The following VEZT variants were observed in gnomAD, a reference collection of about 807,000 sequenced individuals.
VEZT encodes the protein vezatin, adherens junctions transmembrane protein.
VEZT carries 39 observed loss-of-function variants against 79.9 expected under a neutral mutation model. The ratio of observed to expected loss-of-function variants is 0.49; its 90% CI spans 0.38 to 0.64. The LOEUF (loss-of-function observed/expected upper bound fraction) is 0.64, where lower values mean the gene tolerates loss of function less well. Among genes scored for constraint, VEZT ranks in the 30% least tolerant of loss-of-function variants. The pLI is 0.00. For missense variants in VEZT, 837 were observed against 893.1 expected (o/e 0.94, Z 0.80); for synonymous variants, 325 against 327.6 (o/e 0.99, Z 0.09).
chr12:95,266,201 T>A (rs2065500757), intron 4 of VEZT, among the ~76,000 whole-genome samples, 156 bp from the exon 5 acceptor site: 1 of 152,244 alleles, frequency 6.6e-6, no homozygotes, highest in African/African-American at 2.4e-5. Flanking sequence ...CATCACCTTC[T>A]TAAATGTCAT....
intron 4 of VEZT, 67 bp from the exon 5 acceptor site, chr12:95,266,290 G>A: frequency 6.7e-7 from 1 of 1,498,678 alleles, no homozygotes. Flanking sequence ...TGTTTTTACT[G>A]ATTAAAGTAA....
intron 1 of VEZT, among the ~76,000 whole-genome samples, chr12:95,236,360 C>G (rs1031853509): frequency 6.6e-6 from 1 of 152,028 alleles, no homozygotes; most frequent in Non-Finnish European, 1.5e-5. Context: ...TGCAGTGAGC[C>G]GAGATGGCAG....
chr12:95,296,289 T>C lies in VEZT; in HGVS notation c.1831+31T>C, dbSNP rs974385356. On this transcript the variant is annotated intron_variant, in intron 11 of 11. Transcript: ENST00000436874. The stretch of plus-strand genomic sequence containing the variant: ...CACTGACTTTAAAGTAACAGGTTAT[T>C]TCAATGTAGGGGATTCTTTCTTTCT... 1.3e-5 allele frequency: 20 copies of C among 1,533,040 alleles called. No homozygotes were observed. In the African/African-American group the frequency reaches 2.8e-4, roughly 21 times the overall value. The allele number at this position is 1,533,040 out of a possible 1,614,324, so 95.0% of individuals were successfully genotyped here.
intron 3 of VEZT, among the ~76,000 whole-genome samples, chr12:95,260,053 A>C (rs1443421619): frequency 6.6e-6 from 1 of 150,580 alleles, no homozygotes; most frequent in Non-Finnish European, 1.5e-5. Flanking sequence ...GGTGCCTTTC[A>C]AGTTTATTTG....
chr12:95,300,082 A>C (rs2074994238), intron 11 of VEZT, 83 bp from the exon 12 acceptor site: 1 of 747,828 alleles, frequency 1.3e-6, no homozygotes, highest in Non-Finnish European at 1.9e-6. Flanking sequence ...TTTAAGAAAA[A>C]AACTGAGAGT....
In VEZT at chr12:95,287,576, T is replaced by A. The variant is rs1368092141; in HGVS notation, c.1329-88T>A. 7 of 1,283,406 alleles carry A rather than the reference T, an allele frequency of 5.5e-6. No individual in the cohort carries two copies. In the East Asian group the frequency reaches 1.8e-4, roughly 34 times the overall value. 79.5% of individuals were successfully genotyped at this position (1,283,406 alleles called of 1,614,324 possible). A position where few individuals can be genotyped will look rare whatever the true frequency, so the allele number is the denominator to read the frequency against. ...CCTTGGCCTCCCAAAGTGCTGAGAT[T>A]TAAGCTTATTTTAAAATAAGCCTCG... On this transcript the variant is annotated intron_variant, in intron 8 of 11. Coordinates refer to ENST00000436874, the MANE Select transcript of VEZT (RefSeq NM_017599.4).
chr12:95,228,279 T>C (rs1465675769), intron 1 of VEZT, among the ~76,000 whole-genome samples: 1 of 152,212 alleles, frequency 6.6e-6, no homozygotes, highest in African/African-American at 2.4e-5. Context: ...CTCGAGAGAT[T>C]CCCTTTTCTT....
At chr12:95,219,870 T>C (rs1465604790) in intron 1 of VEZT, among the ~76,000 whole-genome samples, 1 of 152,250 alleles carries the variant, frequency 6.6e-6, no homozygotes, top group Non-Finnish European at 1.5e-5. Flanking sequence ...ATTTTATGCA[T>C]TTATACATTT....
In VEZT at chr12:95,255,295, G is replaced by A. The variant is rs1419334065; in HGVS notation, c.169-1855G>A. Among the ~76,000 whole-genome samples, 11 of 152,006 alleles carry A rather than the reference G, an allele frequency of 7.2e-5. 1 individual carries two copies. The East Asian group carries it at 1.5e-3, about 21-fold the overall frequency. ...CTCAGTTACCATACCATTTCCAATC[G>A]CGCTGACATAGCCTTGGTCATCAAG... On this transcript the variant is annotated intron_variant, in intron 2 of 11. Transcript: ENST00000436874.
At chr12:95,259,577 A>G (rs1241518111) in intron 3 of VEZT, among the ~76,000 whole-genome samples, 1 of 152,248 alleles carries the variant, frequency 6.6e-6, no homozygotes, top group Admixed American at 6.5e-5. Context: ...GCAAGGATAT[A>G]AAGCTAGACA....
chr12:95,266,356 G>T lies in VEZT; in HGVS notation c.435-1G>T. The stretch of plus-strand genomic sequence containing the variant: ...TCATTTTCTTCCTTTCTTGTTCCCA[G>T]GGATCTCTCAATGCTATTTGCCTTC... On this transcript the variant is annotated splice_acceptor_variant, in intron 4 of 11. Transcript: ENST00000436874. LOFTEE classifies it high-confidence loss of function. The T allele has an allele frequency of 6.2e-7, 1 of 1,604,432 alleles. No homozygotes were observed. Among genetic ancestry groups the T allele is most frequent in the South Asian group, 1.1e-5 (1 of 89,786 alleles).
rs765172037 is a variant in VEZT, at chr12:95,300,157, A to G, written c.1832-8A>G. The G allele has an allele frequency of 1.5e-6, 2 of 1,362,784 alleles. No individual in the cohort carries two copies. The highest frequency in any genetic ancestry group is 1.5e-5 in the African/African-American group (1 of 65,858). The allele number at this position is 1,362,784 out of a possible 1,614,324, so 84.4% of individuals were successfully genotyped here. A position where few individuals can be genotyped will look rare whatever the true frequency, so the allele number is the denominator to read the frequency against. On this transcript the variant is annotated splice_polypyrimidine_tract_variant and splice_region_variant and intron_variant, in intron 11 of 11. Transcript: ENST00000436874. ...TTTTTTTTCTTTTTTCTTTTTTTTT[A>G]TTTGAAGCCGTGTTGAAATCCTTGT...
chr12:95,230,391 A>G (rs1347205826), intron 1 of VEZT, among the ~76,000 whole-genome samples: 1 of 150,686 alleles, frequency 6.6e-6, no homozygotes, highest in Non-Finnish European at 1.5e-5. Context: ...TCTTTATTAA[A>G]ATGGATTTTT....
At chr12:95,258,399 A>G (rs926678137) in intron 3 of VEZT, 2 of 394,822 alleles carry the variant, frequency 5.1e-6, no homozygotes, top group East Asian at 1.5e-4. Flanking sequence ...ATGTTTCACT[A>G]TACAGTGCCA....
chr12:95,299,391 G>A (rs902695587), intron 11 of VEZT: 6 of 152,590 alleles, frequency 3.9e-5, no homozygotes, highest in Non-Finnish European at 8.8e-5. Flanking sequence ...AAATAAAACT[G>A]CATTTTCCTT....
intron 2 of VEZT, 101 bp from the exon 3 acceptor site, chr12:95,257,049 C>A: frequency 1.1e-6 from 1 of 940,092 alleles, no homozygotes; most frequent in Non-Finnish European, 1.6e-6. Flanking sequence ...TCTTCCTTTT[C>A]TGATATAAAT....
chr12:95,222,632 C>T (rs1365924327), intron 1 of VEZT, among the ~76,000 whole-genome samples: 2 of 151,976 alleles, frequency 1.3e-5, no homozygotes, highest in Non-Finnish European at 2.9e-5. Flanking sequence ...ATTCTTGGCC[C>T]ATTATATTTC....
intron 1 of VEZT, among the ~76,000 whole-genome samples, chr12:95,221,443 T>G (rs1006241996): frequency 3.3e-5 from 5 of 151,704 alleles, no homozygotes; most frequent in Non-Finnish European, 7.4e-5. Context: ...CATGCACCTG[T>G]AGTCCCAGCT....
rs1444632561 is a variant in VEZT, at chr12:95,301,770, A to G, written c.*1097A>G. 1.3e-5 allele frequency: 2 copies of G among 152,250 alleles called. No individual in the cohort carries two copies. Among genetic ancestry groups the G allele is most frequent in the Non-Finnish European group, 2.9e-5 (2 of 68,044 alleles). The allele number at this position is 152,250 out of a possible 1,614,324, so 9.4% of individuals were successfully genotyped here. ...ATAACTCAATCTATGTTGCTGTCCT[A>G]GAAAGGAAATTGCATGATGAATCTA... On this transcript the variant is annotated 3_prime_UTR_variant, in exon 12 of 12. Transcript: ENST00000436874.
Sources: allele counts gnomAD v4.1 joint callset (sites outside exome capture counted in the v4.1 genomes callset), GRCh38; gene constraint gnomAD v4.1.1; transcripts MANE v1.5; gene names NCBI Gene and HGNC (gene_info 2026-07-23, HGNC 2026-07-21).